WDR7: variants seen among roughly 807,000 people sequenced by gnomAD.
The protein encoded by WDR7 is WD repeat domain 7.
WDR7 carries 46 observed loss-of-function variants against 169.4 expected under a neutral mutation model. The ratio of observed to expected loss-of-function variants is 0.27; its 90% CI spans 0.21 to 0.35. The LOEUF is 0.35. WDR7 is among the 10% of genes least tolerant of loss of function. WDR7 has a pLI of 1.00. For synonymous variants in WDR7, 612 were observed against 666.8 expected, an observed-to-expected ratio of 0.92 and a Z score of 1.27; for missense variants, 1,534 against 1,859.3, an observed-to-expected ratio of 0.83 and a Z score of 3.22.
intron 1 of WDR7, among the ~76,000 whole-genome samples, chr18:56,658,494 C>T (rs2024828227): frequency 6.6e-6 from 1 of 152,162 alleles, no homozygotes; most frequent in African/African-American, 2.4e-5. Flanking sequence ...GTTTTTTGCA[C>T]ATCATGTTTC....
chr18:56,974,425 C>A (rs1214029764), intron 26 of WDR7, among the ~76,000 whole-genome samples: 1 of 138,458 alleles, frequency 7.2e-6, no homozygotes, highest in East Asian at 2.1e-4. Context: ...AGTGCAGTGG[C>A]TGTTCACAGG....
chr18:56,979,556 C>T (rs575139286), intron 26 of WDR7, among the ~76,000 whole-genome samples: 4 of 152,258 alleles, frequency 2.6e-5, no homozygotes, highest in Admixed American at 6.5e-5. Context: ...AGCTTTGCTC[C>T]GAACAGGGAC....
At chr18:56,880,374 A>G (rs945633354) in intron 21 of WDR7, among the ~76,000 whole-genome samples, 6 of 152,338 alleles carry the variant, frequency 3.9e-5, no homozygotes, top group African/African-American at 1.4e-4. Flanking sequence ...TTTAAATGCT[A>G]TTCTTAAAAT....
rs1020446448 is a variant in WDR7, at chr18:56,686,988, A to G, written c.717+14A>G. 2.5e-6 allele frequency: 4 copies of G among 1,597,738 alleles called. No individual in the cohort carries two copies. Among genetic ancestry groups the G allele is most frequent in the Non-Finnish European group, 3.4e-6 (4 of 1,172,256 alleles). ...AAATATTGGAGGGTAAGATAATTAT[A>G]TAAATAAGAAGCTGTATTTTTATCC... On this transcript the variant is annotated intron_variant, in intron 7 of 27. Transcript: ENST00000254442.
intron 20 of WDR7, among the ~76,000 whole-genome samples, chr18:56,855,550 G>A (rs1443131147): frequency 6.6e-6 from 1 of 151,982 alleles, no homozygotes; most frequent in African/African-American, 2.4e-5. Flanking sequence ...GTTGATTTTT[G>A]TGTATGGTGT....
chr18:56,859,034 T>C (rs1001621899), intron 20 of WDR7, among the ~76,000 whole-genome samples: 10 of 152,190 alleles, frequency 6.6e-5, no homozygotes, highest in Non-Finnish European at 1.3e-4. Flanking sequence ...CAACTTCTGC[T>C]GTGGTTTATT....
intron 21 of WDR7, among the ~76,000 whole-genome samples, chr18:56,920,135 G>C (rs958585558): frequency 6.6e-6 from 1 of 151,592 alleles, no homozygotes; most frequent in South Asian, 2.1e-4. Flanking sequence ...GTAACCCCTT[G>C]ATCTTGCCAT....
Position 57,028,638 on chromosome 18 carries a change from T to C in WDR7, c.*1431T>C, listed in dbSNP as rs1426755178. On this transcript the variant is annotated 3_prime_UTR_variant, in exon 28 of 28. Coordinates refer to ENST00000254442, the MANE Select transcript of WDR7 (RefSeq NM_015285.3). ...ATGGGAGAATTTAGTCTTAAAAGTT[T>C]AGGTTGTCAGAGTTTATCTGATATA... The C allele has an allele frequency of 6.6e-6, 1 of 152,234 alleles. No homozygotes were observed. Among genetic ancestry groups the C allele is most frequent in the Non-Finnish European group, 1.5e-5 (1 of 68,028 alleles). The allele number at this position is 152,234 out of a possible 1,614,324, so 9.4% of individuals were successfully genotyped here.
At chr18:56,697,992 G>C (rs73496816) in intron 12 of WDR7, among the ~76,000 whole-genome samples, 4,411 of 152,046 alleles carry the variant, frequency 0.029, 211 homozygotes, top group African/African-American at 0.1. Context: ...TTGGGAGTTC[G>C]AGAACAGCCT....
chr18:56,784,576 A>C lies in WDR7; in HGVS notation c.3190+2920A>C, dbSNP rs192543520. On this transcript the variant is annotated intron_variant, in intron 19 of 27. Transcript: ENST00000254442. ...GCTTGCTCTGGCATCCTTGGATCTTAAATGGGGATGAAGATGGAAGAATGA... is the reference window on the plus strand; with the variant it reads ...GCTTGCTCTGGCATCCTTGGATCTTCAATGGGGATGAAGATGGAAGAATGA... Among the ~76,000 whole-genome samples, 311 of 152,322 alleles carry C rather than the reference A, an allele frequency of 2.0e-3. 2 individuals are homozygous for C. Among genetic ancestry groups the C allele is most frequent in the Non-Finnish European group, 3.9e-3 (263 of 68,028 alleles).
At chr18:56,768,128 T>C (rs1264330577) in intron 16 of WDR7, among the ~76,000 whole-genome samples, 1 of 152,208 alleles carries the variant, frequency 6.6e-6, no homozygotes, top group Non-Finnish European at 1.5e-5. Context: ...TTCACCACCA[T>C]GATGGTGTTA....
chr18:56,832,043 C>T (rs1242049604), intron 20 of WDR7, among the ~76,000 whole-genome samples: 1 of 152,206 alleles, frequency 6.6e-6, no homozygotes, highest in Non-Finnish European at 1.5e-5. Context: ...AGTGATCTTG[C>T]TCAGCAGTTC....
intron 20 of WDR7, among the ~76,000 whole-genome samples, chr18:56,864,443 A>G (rs2045853098): frequency 6.6e-6 from 1 of 151,722 alleles, no homozygotes; most frequent in African/African-American, 2.4e-5. Flanking sequence ...ATGAAGAACA[A>G]TTTAATGTCT....
At chr18:56,893,412 A>G (rs1461153747) in intron 21 of WDR7, among the ~76,000 whole-genome samples, 1 of 152,026 alleles carries the variant, frequency 6.6e-6, no homozygotes, top group Non-Finnish European at 1.5e-5. Flanking sequence ...CCCTCTAAGA[A>G]CTGCAGAGCT....
Position 57,015,726 on chromosome 18 carries a change from C to T in WDR7, c.4165-5019C>T, listed in dbSNP as rs1291400714. Among the ~76,000 whole-genome samples, 3 of 152,196 alleles carry T rather than the reference C, an allele frequency of 2.0e-5. No homozygotes were observed. The East Asian group carries it at 5.8e-4, about 29-fold the overall frequency. Reference sequence around the variant, plus strand: ...TAACATGAGAGAGATGCCAAACGTACGATGAGTGCTGCAAGCACCCGCTGC... The same window carrying T: ...TAACATGAGAGAGATGCCAAACGTATGATGAGTGCTGCAAGCACCCGCTGC... On this transcript the variant is annotated intron_variant, in intron 26 of 27. Transcript: ENST00000254442.
chr18:56,818,738 T>C (rs769338950), intron 20 of WDR7, among the ~76,000 whole-genome samples: 81 of 152,304 alleles, frequency 5.3e-4, no homozygotes, highest in Admixed American at 1.0e-3. Context: ...ATATGGTAGA[T>C]GCATTGAGAG....
chr18:56,900,554 G>T (rs373161581), intron 21 of WDR7, among the ~76,000 whole-genome samples: 14 of 152,194 alleles, frequency 9.2e-5, no homozygotes, highest in Non-Finnish European at 1.6e-4. Context: ...CTACTACCTC[G>T]TCTAGGGTGC....
At chr18:56,806,279 C>T (rs565551499) in intron 19 of WDR7, among the ~76,000 whole-genome samples, 62 of 152,232 alleles carry the variant, frequency 4.1e-4, no homozygotes, top group Admixed American at 1.8e-3. Flanking sequence ...AATTTTTCCT[C>T]CTGCCTTCGC....
At chr18:56,776,686 A>T in intron 16 of WDR7, 96 bp from the exon 17 acceptor site, 1 of 990,914 alleles carries the variant, frequency 1.0e-6, no homozygotes, top group Non-Finnish European at 1.6e-6. Flanking sequence ...TGTTTTGCCT[A>T]CTTTGTTTTT....
Sources: allele counts gnomAD v4.1 joint callset (sites outside exome capture counted in the v4.1 genomes callset), GRCh38; gene constraint gnomAD v4.1.1; transcripts MANE v1.5; gene names NCBI Gene and HGNC (gene_info 2026-07-23, HGNC 2026-07-21).